The following CNTN5 variants were observed in gnomAD, a reference collection of about 807,000 sequenced individuals.
CNTN5 encodes the protein contactin-5.
In CNTN5, 77 loss-of-function variants were observed where a neutral mutation model predicts 129.1. That is an observed-to-expected ratio of 0.60 (90% confidence interval 0.50 to 0.72). The LOEUF is 0.72. CNTN5 is among the 30% of genes least tolerant of loss of function. The probability of loss-of-function intolerance (pLI) is 0.00; values close to 1 mark genes in which losing one functional copy is unlikely to be tolerated. For missense variants in CNTN5, 1,478 were observed against 1,328.8 expected (o/e 1.11, Z -1.75); for synonymous variants, 509 against 465.6 (o/e 1.09, Z -1.20).
chr11:99,614,825 C>T (rs1469453504), intron 3 of CNTN5, among the ~76,000 whole-genome samples: 1 of 151,966 alleles, frequency 6.6e-6, no homozygotes, highest in Non-Finnish European at 1.5e-5. Context: ...CAGCCAATAG[C>T]AACACAAAGC....
intron 1 of CNTN5, among the ~76,000 whole-genome samples, chr11:99,267,249 A>G (rs1862946097): frequency 1.3e-5 from 2 of 152,094 alleles, no homozygotes; most frequent in South Asian, 4.1e-4. Flanking sequence ...TAGAAAATGC[A>G]AACTTCCAAC....
chr11:99,729,876 C>A (rs556648535), intron 3 of CNTN5, among the ~76,000 whole-genome samples: 14 of 152,010 alleles, frequency 9.2e-5, no homozygotes, highest in Non-Finnish European at 1.3e-4. Flanking sequence ...GGGAGGGGAA[C>A]AACACACATT....
Position 100,061,422 on chromosome 11 carries a change from T to C in CNTN5, c.1162+29T>C, listed in dbSNP as rs1943477678. On this transcript the variant is annotated intron_variant, in intron 10 of 24. Coordinates refer to ENST00000524871, the MANE Select transcript of CNTN5 (RefSeq NM_014361.4). ...AGTGTTTTCAGCAAAGCATGATTGCTCTAGTCCCAAAAGTCAAACTGAAAG... is the reference window on the plus strand; with the variant it reads ...AGTGTTTTCAGCAAAGCATGATTGCCCTAGTCCCAAAAGTCAAACTGAAAG... 4 of 1,480,344 alleles carry C rather than the reference T, an allele frequency of 2.7e-6. No individual in the cohort carries two copies. The East Asian group carries it at 6.9e-5, about 26-fold the overall frequency. 91.7% of individuals were successfully genotyped at this position (1,480,344 alleles called of 1,614,324 possible).
intron 2 of CNTN5, among the ~76,000 whole-genome samples, chr11:99,385,972 A>C (rs1940900926): frequency 6.6e-6 from 1 of 152,218 alleles, no homozygotes; most frequent in Non-Finnish European, 1.5e-5. Flanking sequence ...AGAGAAATTT[A>C]TGACCTGGAG....
intron 1 of CNTN5, among the ~76,000 whole-genome samples, chr11:99,239,110 ATGTT>A (rs1435430708): frequency 1.2e-4 from 18 of 152,248 alleles, no homozygotes; most frequent in Admixed American, 4.6e-4. Flanking sequence ...ATTGTACAAA[ATGTT>A]TGATCACATA....
In CNTN5 at chr11:99,042,373, T is replaced by C. The variant is rs1485500534; in HGVS notation, c.-210+21103T>C. The stretch of plus-strand genomic sequence containing the variant: ...CCTCCCTTCTTCTTCTTCTTTTTTT[T>C]TTTTTTTTTTTTTTTTTTTGAGACA... On this transcript the variant is annotated intron_variant, in intron 1 of 24. Coordinates refer to ENST00000524871, the MANE Select transcript of CNTN5 (RefSeq NM_014361.4). Among the ~76,000 whole-genome samples the C allele has an allele frequency of 5.4e-5, 7 of 129,424 alleles. No homozygotes were observed. In the East Asian group the frequency reaches 1.6e-3, roughly 29 times the overall value. The allele number at this position is 129,424 out of a possible 152,430, so 84.9% of individuals were successfully genotyped here. A position where few individuals can be genotyped will look rare whatever the true frequency, so the allele number is the denominator to read the frequency against.
intron 1 of CNTN5, among the ~76,000 whole-genome samples, chr11:99,324,302 A>G (rs892340537): frequency 2.0e-5 from 3 of 152,180 alleles, no homozygotes; most frequent in Non-Finnish European, 4.4e-5. Context: ...AATCACTCTG[A>G]GGTTATCAAT....
intron 3 of CNTN5, among the ~76,000 whole-genome samples, chr11:99,572,774 A>AG (rs397817295): frequency 2.0e-5 from 3 of 151,366 alleles, no homozygotes; most frequent in Admixed American, 1.3e-4. Flanking sequence ...TTTTTAAAAA[A>AG]TAGATTATCA....
rs1945377711 is a variant in CNTN5, at chr11:99,783,146, A to G, written c.56-36398A>G. 2.5e-5 allele frequency among the ~76,000 whole-genome samples: 2 copies of G among 81,406 alleles called. 1 individual carries two copies. 53.4% of individuals were successfully genotyped at this position (81,406 alleles called of 152,430 possible). On this transcript the variant is annotated intron_variant, in intron 3 of 24. Coordinates refer to ENST00000524871, the MANE Select transcript of CNTN5 (RefSeq NM_014361.4). ...TTACAAGAAAAAAACAACCCCATCA[A>G]AAAGTGGGCGAAGGACATGAACAGA... is the stretch of plus-strand genomic sequence containing the variant.
At chr11:99,984,388 A>G (rs988528539) in intron 8 of CNTN5, among the ~76,000 whole-genome samples, 3 of 152,158 alleles carry the variant, frequency 2.0e-5, no homozygotes, top group Non-Finnish European at 4.4e-5. Context: ...GAAAGAAAAG[A>G]AAAAAGAAAA....
rs541755705 is a variant in CNTN5, at chr11:99,668,844, CTATT to C, written c.55+112580_55+112583del. 5.8e-4 allele frequency among the ~76,000 whole-genome samples: 89 copies of C among 152,138 alleles called. 1 individual carries two copies. Among genetic ancestry groups the C allele is most frequent in the South Asian group, 2.3e-3 (11 of 4,818 alleles). On this transcript the variant is annotated intron_variant, in intron 3 of 24. Transcript: ENST00000524871. ...AGCTACTCGGGAAGTTGAGGAATAA[CTATT>C]TATTATCTTATGAGTTGGCATTGTT...
intron 8 of CNTN5, among the ~76,000 whole-genome samples, chr11:99,975,574 C>T (rs1051957396): frequency 6.6e-6 from 1 of 151,888 alleles, no homozygotes; most frequent in African/African-American, 2.4e-5. Context: ...GGGGATGCCT[C>T]AAAAAACTTA....
chr11:99,075,067 G>A (rs543278774), intron 1 of CNTN5, among the ~76,000 whole-genome samples: 1 of 152,250 alleles, frequency 6.6e-6, no homozygotes, highest in South Asian at 2.1e-4. Context: ...AGAATGCCTA[G>A]AATTGGTTAT....
chr11:99,203,413 G>A (rs1211262254), intron 1 of CNTN5, among the ~76,000 whole-genome samples: 1 of 152,112 alleles, frequency 6.6e-6, no homozygotes, highest in Non-Finnish European at 1.5e-5. Context: ...AGGTGATACA[G>A]TTCTGAAAAT....
chr11:99,025,513 A>G (rs1863074166), intron 1 of CNTN5, among the ~76,000 whole-genome samples: 1 of 151,804 alleles, frequency 6.6e-6, no homozygotes, highest in Admixed American at 6.6e-5. Context: ...TCCAGTAGTA[A>G]ACGTAGCATA....
intron 9 of CNTN5, among the ~76,000 whole-genome samples, chr11:100,044,493 CTTTT>C (rs140410977): frequency 6.7e-6 from 1 of 149,314 alleles, no homozygotes; most frequent in Non-Finnish European, 1.5e-5. Flanking sequence ...TTGCTAACAT[CTTTT>C]TTTTTTCTTT....
At chr11:100,280,863 T>G (rs911197916) in intron 18 of CNTN5, among the ~76,000 whole-genome samples, 2 of 152,132 alleles carry the variant, frequency 1.3e-5, no homozygotes, top group Non-Finnish European at 2.9e-5. Context: ...TGCTTTGAGG[T>G]TACCACGAGG....
At chr11:99,196,263 C>T (rs1858897178) in intron 1 of CNTN5, among the ~76,000 whole-genome samples, 1 of 151,788 alleles carries the variant, frequency 6.6e-6, no homozygotes, top group African/African-American at 2.4e-5. Flanking sequence ...TTGCCACATG[C>T]ATGGCACATA....
At chr11:99,083,588 T>C (rs78432990) in intron 1 of CNTN5, among the ~76,000 whole-genome samples, 3,466 of 152,262 alleles carry the variant, frequency 0.023, 129 homozygotes, top group African/African-American at 0.077. Context: ...AGTGTTCTTT[T>C]TTTAAAGAAA....
Sources: gnomAD v4.1 joint callset for allele counts (sites outside exome capture counted in the v4.1 genomes callset) on GRCh38, gnomAD v4.1.1 for gene constraint, MANE v1.5 for transcripts, NCBI Gene and HGNC (gene_info 2026-07-23, HGNC 2026-07-21) for gene names.